SUGCT: variants seen among roughly 807,000 people sequenced by gnomAD.
SUGCT encodes succinyl-CoA:glutarate CoA-transferase.
SUGCT carries 41 observed loss-of-function variants against 55.0 expected under a neutral mutation model. The observed-to-expected ratio is 0.74, with a 90% CI of 0.58 to 0.97. The LOEUF (loss-of-function observed/expected upper bound fraction) is 0.97. SUGCT is among the 50% of genes least tolerant of loss of function. The pLI is 0.00. For missense variants in SUGCT, 568 were observed against 547.8 expected (o/e 1.04, Z -0.37); for synonymous variants, 187 against 200.4 (o/e 0.93, Z 0.56).
downstream of SUGCT, among the ~76,000 whole-genome samples, chr7:40,865,411 C>T (rs1794561763): frequency 6.6e-6 from 1 of 152,076 alleles, no homozygotes; most frequent in Admixed American, 6.6e-5. Flanking sequence ...ACTTCTTGTC[C>T]CTTGAAACAC....
At chr7:40,572,880 G>T (rs905332668) in intron 12 of SUGCT, among the ~76,000 whole-genome samples, 1 of 152,060 alleles carries the variant, frequency 6.6e-6, no homozygotes, top group Non-Finnish European at 1.5e-5. Context: ...TCAAACTTCT[G>T]TGAAAGAAGA....
chr7:40,495,175 G>A (rs1791901204), intron 11 of SUGCT, among the ~76,000 whole-genome samples: 1 of 150,728 alleles, frequency 6.6e-6, no homozygotes, highest in African/African-American at 2.4e-5. Flanking sequence ...GCCTCCCAAA[G>A]TGCTGAGATT....
intron 12 of SUGCT, among the ~76,000 whole-genome samples, chr7:40,515,187 G>A (rs1793168329): frequency 6.6e-6 from 1 of 152,036 alleles, no homozygotes; most frequent in Non-Finnish European, 1.5e-5. Context: ...CCCCTTGAGA[G>A]CCACACCCAC....
At chr7:40,732,671 A>G (rs1028544887) in intron 12 of SUGCT, among the ~76,000 whole-genome samples, 1 of 152,216 alleles carries the variant, frequency 6.6e-6, no homozygotes, top group African/African-American at 2.4e-5. Flanking sequence ...CTCAGAAGGC[A>G]GCACTCTCCC....
intron 12 of SUGCT, among the ~76,000 whole-genome samples, chr7:40,581,204 A>G (rs955625874): frequency 2.0e-5 from 3 of 152,218 alleles, no homozygotes; most frequent in Admixed American, 6.5e-5. Flanking sequence ...AAATTTAAGA[A>G]AAACAGTTTA....
At chr7:40,894,825 G>A in the SUGCT span, among the ~76,000 whole-genome samples, 2 of 152,170 alleles carry the variant, frequency 1.3e-5, no homozygotes, top group African/African-American at 4.8e-5. Context: ...ATGCTGGTGA[G>A]GTTTCAGAGA....
chr7:40,955,649 G>A, the SUGCT span, among the ~76,000 whole-genome samples: 3 of 152,114 alleles, frequency 2.0e-5, no homozygotes, highest in Non-Finnish European at 4.4e-5. Context: ...TGATTTCCCT[G>A]GCCAGAATTT....
intron 1 of SUGCT, among the ~76,000 whole-genome samples, chr7:40,168,862 T>TA (rs1784542066): frequency 6.6e-6 from 1 of 152,198 alleles, no homozygotes; most frequent in African/African-American, 2.4e-5. Context: ...GGGGTCCTTC[T>TA]ATAAGCATTT....
chr7:40,609,316 C>T (rs899949914), intron 12 of SUGCT, among the ~76,000 whole-genome samples: 1 of 151,986 alleles, frequency 6.6e-6, no homozygotes, highest in Non-Finnish European at 1.5e-5. Flanking sequence ...ATGATTATCC[C>T]AGCACTTTGG....
chr7:40,178,853 G>A (rs1785048068), intron 1 of SUGCT, among the ~76,000 whole-genome samples: 1 of 152,008 alleles, frequency 6.6e-6, no homozygotes, highest in African/African-American at 2.4e-5. Context: ...TGTTTTTGCT[G>A]TTCACTAAAG....
intron 12 of SUGCT, among the ~76,000 whole-genome samples, chr7:40,672,622 T>G (rs180747059): frequency 6.6e-6 from 1 of 152,274 alleles, no homozygotes; most frequent in East Asian, 1.9e-4. Flanking sequence ...TCCCTGTGGT[T>G]ATGGGACTGT....
At chr7:40,408,464 A>G (rs1410423979) in intron 9 of SUGCT, among the ~76,000 whole-genome samples, 2 of 152,110 alleles carry the variant, frequency 1.3e-5, no homozygotes. Flanking sequence ...ATGAAGTCCT[A>G]ATTTTCCAAG....
At chr7:40,323,195 T>C (rs1464532645) in intron 9 of SUGCT, among the ~76,000 whole-genome samples, 2 of 152,092 alleles carry the variant, frequency 1.3e-5, no homozygotes, top group Non-Finnish European at 2.9e-5. Context: ...CTTGCAACAG[T>C]CCACCCTCTT....
the SUGCT span, among the ~76,000 whole-genome samples, chr7:40,871,404 A>T: frequency 6.6e-6 from 1 of 152,164 alleles, no homozygotes; most frequent in Non-Finnish European, 1.5e-5. Flanking sequence ...TATACCAGAC[A>T]TGTGAGTGAA....
At chr7:40,464,524 T>A (rs1363020334) in intron 11 of SUGCT, among the ~76,000 whole-genome samples, 2 of 152,222 alleles carry the variant, frequency 1.3e-5, no homozygotes, top group Non-Finnish European at 1.5e-5. Flanking sequence ...TTTTGTAGCA[T>A]GAAAATAAAA....
the SUGCT span, chr7:40,965,316 T>G: frequency 6.6e-6 from 1 of 152,236 alleles, no homozygotes; most frequent in African/African-American, 2.4e-5. Flanking sequence ...AGAGCCAAAT[T>G]TAACTATGTT....
At chr7:40,559,669 T>C (rs1159533549) in intron 12 of SUGCT, among the ~76,000 whole-genome samples, 1 of 152,262 alleles carries the variant, frequency 6.6e-6, no homozygotes, top group Non-Finnish European at 1.5e-5. Flanking sequence ...TTGCTATACT[T>C]ATACATTACT....
the SUGCT span, among the ~76,000 whole-genome samples, chr7:40,920,143 A>C: frequency 6.6e-6 from 1 of 151,776 alleles, no homozygotes; most frequent in Non-Finnish European, 1.5e-5. Context: ...TACATTCCAG[A>C]ATTATTTCTC....
At chr7:40,551,195 T>C (rs539634116) in intron 12 of SUGCT, among the ~76,000 whole-genome samples, 90 of 152,230 alleles carry the variant, frequency 5.9e-4, no homozygotes, top group Non-Finnish European at 1.0e-3. Context: ...CTTCTTGTTC[T>C]CTTAGTTCCC....
Sources: gnomAD v4.1 joint callset for allele counts (sites outside exome capture counted in the v4.1 genomes callset) on GRCh38, gnomAD v4.1.1 for gene constraint, MANE v1.5 for transcripts, NCBI Gene and HGNC (gene_info 2026-07-23, HGNC 2026-07-21) for gene names.